Variants in CSMD3 observed in about 807,000 individuals in gnomAD.
CSMD3 encodes the protein CUB and sushi domain-containing protein 3.
CSMD3 carries 177 observed loss-of-function variants against 435.2 expected under a neutral mutation model. The ratio of observed to expected loss-of-function variants is 0.41; its 90% CI spans 0.36 to 0.46. The LOEUF is 0.46. Among genes scored for constraint, CSMD3 ranks in the 20% least tolerant of loss-of-function variants. The pLI is 0.34. For missense variants in CSMD3, 4,265 were observed against 4,504.6 expected (o/e 0.95, Z 1.52); for synonymous variants, 1,656 against 1,520.5 (o/e 1.09, Z -2.07).
intron 17 of CSMD3, among the ~76,000 whole-genome samples, chr8:112,659,234 T>C (rs1445947788): frequency 2.0e-5 from 3 of 152,178 alleles, no homozygotes; most frequent in Non-Finnish European, 2.9e-5. Flanking sequence ...ACTATAAAAA[T>C]ACATTCTAAT....
At chr8:113,293,037 A>T (rs1394469702) in intron 2 of CSMD3, among the ~76,000 whole-genome samples, 1 of 151,820 alleles carries the variant, frequency 6.6e-6, no homozygotes, top group Admixed American at 6.6e-5. Context: ...GTGATGTTCC[A>T]ATGTTAAATC....
chr8:112,878,377 A>C (rs2081350288), intron 10 of CSMD3, among the ~76,000 whole-genome samples: 1 of 152,200 alleles, frequency 6.6e-6, no homozygotes, highest in Admixed American at 6.5e-5. Flanking sequence ...ATACCATCTC[A>C]TGTCAGTTAG....
In CSMD3 at chr8:113,282,392, A is replaced by T. The variant is rs184402179; in HGVS notation, c.402-3688T>A. ...ATTCAGCAAAGTTTCCATATACAAG[A>T]TCCAAGATTAATGTACACAAATCAG... On this transcript the variant is annotated intron_variant, in intron 2 of 70. Coordinates refer to ENST00000297405, the MANE Select transcript of CSMD3 (RefSeq NM_198123.2). 5.1e-3 allele frequency among the ~76,000 whole-genome samples: 782 copies of T among 152,120 alleles called. 11 individuals are homozygous for T. The highest frequency in any genetic ancestry group is 0.018 in the African/African-American group (755 of 41,536).
chr8:113,206,396 TAA>T (rs765285499), intron 3 of CSMD3, among the ~76,000 whole-genome samples: 8 of 152,142 alleles, frequency 5.3e-5, no homozygotes, highest in Non-Finnish European at 7.4e-5. Flanking sequence ...CCAATAATCC[TAA>T]GAGTGAAACA....
intron 22 of CSMD3, among the ~76,000 whole-genome samples, chr8:112,625,705 C>A (rs1834423599): frequency 6.6e-6 from 1 of 151,980 alleles, no homozygotes; most frequent in South Asian, 2.1e-4. Context: ...TACTTGGGTA[C>A]AATACACAGA....
intron 5 of CSMD3, among the ~76,000 whole-genome samples, chr8:113,081,204 A>C (rs1010256632): frequency 6.6e-6 from 1 of 152,150 alleles, no homozygotes; most frequent in Non-Finnish European, 1.5e-5. Context: ...AAATAATAGA[A>C]TTTTATTTTT....
intron 27 of CSMD3, among the ~76,000 whole-genome samples, chr8:112,533,407 G>A (rs1028673096): frequency 6.6e-6 from 1 of 151,878 alleles, no homozygotes; most frequent in African/African-American, 2.4e-5. Context: ...TGCATATACT[G>A]AATGTGAAGG....
chr8:112,426,085 G>C (rs1290447706), intron 32 of CSMD3, among the ~76,000 whole-genome samples: 1 of 152,000 alleles, frequency 6.6e-6, no homozygotes, highest in Non-Finnish European at 1.5e-5. Context: ...CAAATACATA[G>C]TAAAATGGAG....
intron 32 of CSMD3, among the ~76,000 whole-genome samples, chr8:112,440,452 T>G (rs1327833332): frequency 6.6e-6 from 1 of 152,168 alleles, no homozygotes; most frequent in Non-Finnish European, 1.5e-5. Flanking sequence ...CCGCTCAAGC[T>G]GTCAATGGAT....
At chr8:113,335,479 T>C (rs1383337061) in intron 1 of CSMD3, among the ~76,000 whole-genome samples, 1 of 151,020 alleles carries the variant, frequency 6.6e-6, no homozygotes, top group African/African-American at 2.4e-5. Flanking sequence ...TTTTCAGATG[T>C]TCAGCTCTTT....
chr8:112,717,445 T>C (rs1478194255), intron 13 of CSMD3, among the ~76,000 whole-genome samples: 2 of 152,132 alleles, frequency 1.3e-5, no homozygotes, highest in South Asian at 2.1e-4. Flanking sequence ...GAAATAGGAA[T>C]GCTTTTACAC....
chr8:113,003,895 T>C (rs191074511), intron 6 of CSMD3, among the ~76,000 whole-genome samples: 4 of 152,232 alleles, frequency 2.6e-5, no homozygotes, highest in African/African-American at 9.6e-5. Context: ...CTATTACTTC[T>C]GTGAATACAT....
chr8:112,456,900 TTAAAGA>T (rs1348956880), intron 32 of CSMD3, among the ~76,000 whole-genome samples: 1 of 152,092 alleles, frequency 6.6e-6, no homozygotes, highest in Non-Finnish European at 1.5e-5. Context: ...AAAAGAGCTA[TTAAAGA>T]TAAATACAAA....
intron 5 of CSMD3, among the ~76,000 whole-genome samples, chr8:113,030,970 T>A (rs1239787220): frequency 6.6e-6 from 1 of 151,554 alleles, no homozygotes; most frequent in Admixed American, 6.6e-5. Context: ...CCTACCAGAA[T>A]GGCTAAAATT....
intron 1 of CSMD3, chr8:113,376,577 T>G: frequency 1.4e-6 from 1 of 709,956 alleles, no homozygotes; most frequent in Non-Finnish European, 2.4e-6. Flanking sequence ...AACTAATATA[T>G]AAAAAAATTG....
At chr8:112,649,425 A>G (rs1288566599) in intron 19 of CSMD3, among the ~76,000 whole-genome samples, 1 of 152,264 alleles carries the variant, frequency 6.6e-6, no homozygotes, top group African/African-American at 2.4e-5. Context: ...GACAAATGGT[A>G]TCTTCCACTT....
intron 27 of CSMD3, among the ~76,000 whole-genome samples, chr8:112,531,661 A>T (rs563696175): frequency 2.3e-4 from 35 of 152,286 alleles, no homozygotes; most frequent in African/African-American, 7.5e-4. Context: ...AATACTCTCT[A>T]GTACTAAAAC....
chr8:112,349,061 T>C (rs920933422), intron 40 of CSMD3, among the ~76,000 whole-genome samples: 1 of 151,968 alleles, frequency 6.6e-6, no homozygotes, highest in African/African-American at 2.4e-5. Flanking sequence ...ATTAATCTAT[T>C]TAAGAAAAAT....
chr8:112,881,392 C>T (rs2081444144), intron 10 of CSMD3, among the ~76,000 whole-genome samples: 1 of 152,000 alleles, frequency 6.6e-6, no homozygotes, highest in Admixed American at 6.6e-5. Context: ...CTGGACTAAA[C>T]AGCATTTTTT....
Sources: allele counts gnomAD v4.1 joint callset (sites outside exome capture counted in the v4.1 genomes callset), GRCh38; gene constraint gnomAD v4.1.1; transcripts MANE v1.5; gene names NCBI Gene and HGNC (gene_info 2026-07-23, HGNC 2026-07-21).